SLC2A13: variants seen among roughly 807,000 people sequenced by gnomAD.
SLC2A13 encodes proton myo-inositol cotransporter.
Under a neutral mutation model 64.4 loss-of-function variants are expected in SLC2A13, and 32 were observed. That is an observed-to-expected ratio of 0.50 (90% confidence interval 0.37 to 0.67). The LOEUF (loss-of-function observed/expected upper bound fraction) is 0.67, where lower values mean the gene tolerates loss of function less well. Among genes scored for constraint, SLC2A13 ranks in the 30% least tolerant of loss-of-function variants. The probability of loss-of-function intolerance (pLI) is 0.00; values close to 1 mark genes in which losing one functional copy is unlikely to be tolerated. For missense variants in SLC2A13, 743 were observed against 829.2 expected (o/e 0.90, Z 1.28); for synonymous variants, 338 against 327.1 (o/e 1.03, Z -0.36).
intron 3 of SLC2A13, among the ~76,000 whole-genome samples, chr12:39,981,068 A>G (rs1197308887): frequency 2.0e-5 from 3 of 151,978 alleles, no homozygotes; most frequent in Middle Eastern, 6.3e-3. Context: ...CTGCTCCTGA[A>G]TGACTACTGG....
intron 3 of SLC2A13, among the ~76,000 whole-genome samples, chr12:40,004,323 T>G (rs1457625120): frequency 6.6e-6 from 1 of 152,082 alleles, no homozygotes; most frequent in Non-Finnish European, 1.5e-5. Flanking sequence ...TAGCTGCGAT[T>G]ACAGGAATGT....
chr12:39,848,182 T>A (rs1943370279), intron 6 of SLC2A13, among the ~76,000 whole-genome samples: 1 of 152,070 alleles, frequency 6.6e-6, no homozygotes, highest in Admixed American at 6.5e-5. Flanking sequence ...ACAAGTGGGA[T>A]CTAATTAAAC....
intron 7 of SLC2A13, among the ~76,000 whole-genome samples, chr12:39,813,527 A>G (rs889171048): frequency 6.6e-6 from 1 of 152,230 alleles, no homozygotes; most frequent in Non-Finnish European, 1.5e-5. Context: ...GACTTAAAAA[A>G]TATATAACAA....
At chr12:39,934,950 C>T (rs980334269) in intron 4 of SLC2A13, among the ~76,000 whole-genome samples, 1 of 152,302 alleles carries the variant, frequency 6.6e-6, no homozygotes, top group Non-Finnish European at 1.5e-5. Context: ...TGAAATCCTG[C>T]AATTCTATCA....
chr12:39,939,160 CT>C (rs1945976126), intron 4 of SLC2A13, among the ~76,000 whole-genome samples: 1 of 152,152 alleles, frequency 6.6e-6, no homozygotes, highest in Non-Finnish European at 1.5e-5. Flanking sequence ...CCTCTTCTTC[CT>C]TCTCTATTCC....
intron 6 of SLC2A13, among the ~76,000 whole-genome samples, chr12:39,848,037 A>T (rs1943366686): frequency 6.6e-6 from 1 of 152,096 alleles, no homozygotes; most frequent in African/African-American, 2.4e-5. Context: ...GTGCCAAATG[A>T]AAGAATGAAA....
At position 39,764,453 on chromosome 12, in the gene SLC2A13, A is replaced by C. The variant is rs369015366; in HGVS notation, c.1720+7T>G. 85 of 1,558,832 alleles carry C rather than the reference A, an allele frequency of 5.5e-5. 1 individual carries two copies. The South Asian group carries it at 1.0e-3, about 18-fold the overall frequency. On this transcript the variant is annotated splice_region_variant and intron_variant, in intron 9 of 9. Transcript: ENST00000280871. ...ACAAAACTATGTTAGAAAAAATATT[A>C]TCTTACCATAGTATGTAAGATACTC...
chr12:40,035,633 T>G (rs774705990), intron 2 of SLC2A13, among the ~76,000 whole-genome samples: 5 of 152,168 alleles, frequency 3.3e-5, no homozygotes, highest in African/African-American at 1.2e-4. Context: ...GCAGGTAATA[T>G]ATGATCCGCA....
intron 3 of SLC2A13, among the ~76,000 whole-genome samples, chr12:39,971,282 G>A (rs1253037064): frequency 6.6e-6 from 1 of 152,146 alleles, no homozygotes; most frequent in Non-Finnish European, 1.5e-5. Flanking sequence ...TTATGCAACT[G>A]TTTATTCCCA....
chr12:40,072,515 T>A lies in SLC2A13; in HGVS notation c.557-24305A>T, dbSNP rs374928568. 5.9e-5 allele frequency among the ~76,000 whole-genome samples: 9 copies of A among 152,228 alleles called. No homozygotes were observed. In the East Asian group the frequency reaches 1.5e-3, roughly 26 times the overall value. ...AGTCTCCAACTATAATAGTGATTCA[T>A]CTATTTTTTCCTCACAGTTCTACCA... On this transcript the variant is annotated intron_variant, in intron 1 of 9. Transcript: ENST00000280871.
intron 4 of SLC2A13, among the ~76,000 whole-genome samples, chr12:39,918,851 C>CAA (rs10589116): frequency 1.6e-5 from 2 of 123,892 alleles, no homozygotes; most frequent in African/African-American, 2.9e-5. Flanking sequence ...GACTCTGTCT[C>CAA]AAAAAAAAAA....
intron 3 of SLC2A13, among the ~76,000 whole-genome samples, chr12:39,964,062 A>C (rs1591955973): frequency 1.3e-5 from 2 of 152,300 alleles, no homozygotes; most frequent in South Asian, 4.1e-4. Context: ...GTAACATCTT[A>C]AAAGAAAGAG....
chr12:39,978,503 T>A (rs1442084372), intron 3 of SLC2A13, among the ~76,000 whole-genome samples: 2 of 152,124 alleles, frequency 1.3e-5, no homozygotes, highest in Non-Finnish European at 2.9e-5. Flanking sequence ...AGGCATTGCC[T>A]CACCTGGGAA....
intron 3 of SLC2A13, among the ~76,000 whole-genome samples, chr12:39,995,848 T>C (rs1014978292): frequency 3.3e-5 from 5 of 152,202 alleles, no homozygotes; most frequent in Non-Finnish European, 7.3e-5. Flanking sequence ...AAGCTGCCGC[T>C]CTTTGCCTGC....
At chr12:39,848,590 T>A (rs549708325) in intron 6 of SLC2A13, among the ~76,000 whole-genome samples, 112 of 152,292 alleles carry the variant, frequency 7.4e-4, no homozygotes, top group African/African-American at 2.5e-3. Context: ...GTAAACTAAT[T>A]CACCCATTGT....
intron 1 of SLC2A13, among the ~76,000 whole-genome samples, chr12:40,053,158 T>C (rs1204958694): frequency 6.6e-6 from 1 of 151,708 alleles, no homozygotes; most frequent in Non-Finnish European, 1.5e-5. Flanking sequence ...GGCACATGCC[T>C]GTAATCCCAG....
chr12:40,046,582 A>C (rs944284392), intron 2 of SLC2A13, among the ~76,000 whole-genome samples: 1 of 152,126 alleles, frequency 6.6e-6, no homozygotes, highest in African/African-American at 2.4e-5. Context: ...TCAAAATACC[A>C]GGTTATACTG....
intron 7 of SLC2A13, among the ~76,000 whole-genome samples, chr12:39,822,777 A>C (rs1221490685): frequency 2.0e-5 from 3 of 152,256 alleles, no homozygotes; most frequent in Non-Finnish European, 4.4e-5. Context: ...ACATGGGTTG[A>C]CTAGAAATAT....
chr12:39,896,256 GTATATGTGTGTATATATGTA>G (rs1565527659), intron 4 of SLC2A13, among the ~76,000 whole-genome samples: 2 of 88,844 alleles, frequency 2.3e-5, no homozygotes, highest in Admixed American at 1.2e-4. Flanking sequence ...ATACATGTAT[GTATATGTGTGTATATATGTA>G]TACATGTATG....
Sources: gnomAD v4.1 joint callset for allele counts (sites outside exome capture counted in the v4.1 genomes callset) on GRCh38, gnomAD v4.1.1 for gene constraint, MANE v1.5 for transcripts, NCBI Gene and HGNC (gene_info 2026-07-23, HGNC 2026-07-21) for gene names.